Variants in DGKI observed in about 807,000 individuals in gnomAD.
DGKI encodes diacylglycerol kinase iota.
DGKI carries 55 observed loss-of-function variants against 147.5 expected under a neutral mutation model. The ratio of observed to expected loss-of-function variants is 0.37; its 90% CI spans 0.30 to 0.47. The LOEUF is 0.47. Among genes scored for constraint, DGKI ranks in the 20% least tolerant of loss-of-function variants. DGKI has a pLI of 1.00. For missense variants in DGKI, 1,007 were observed against 1,323.8 expected, an observed-to-expected ratio of 0.76 and a Z score of 3.71; for synonymous variants, 469 against 477.1, an observed-to-expected ratio of 0.98 and a Z score of 0.22.
chr7:137,768,995 A>G lies in DGKI; in HGVS notation c.401+77467T>C, dbSNP rs140086788. On this transcript the variant is annotated intron_variant, in intron 1 of 32. Transcript: ENST00000614521. ...CCAGCAGATGAAAATACCAGTCACT[A>G]TAAGAGATTTCTGAAGAAGTCAGAA... is the stretch of plus-strand genomic sequence containing the variant. Among the ~76,000 whole-genome samples, 160 of 152,346 alleles carry G rather than the reference A, an allele frequency of 1.1e-3. 1 individual carries two copies. In the East Asian group the frequency reaches 0.027, roughly 26 times the overall value.
intron 28 of DGKI, among the ~76,000 whole-genome samples, chr7:137,417,001 A>C (rs1200719797): frequency 1.3e-5 from 2 of 152,184 alleles, no homozygotes; most frequent in Non-Finnish European, 2.9e-5. Flanking sequence ...CCCTATGAAC[A>C]CTGTTGTTTA....
At chr7:137,817,346 T>C (rs1244816300) in intron 1 of DGKI, among the ~76,000 whole-genome samples, 1 of 152,228 alleles carries the variant, frequency 6.6e-6, no homozygotes, top group Non-Finnish European at 1.5e-5. Flanking sequence ...TTAATAAATA[T>C]TTATTGAATG....
intron 27 of DGKI, among the ~76,000 whole-genome samples, chr7:137,449,619 G>A (rs1019895079): frequency 2.6e-5 from 4 of 152,190 alleles, no homozygotes; most frequent in East Asian, 1.9e-4. Context: ...CAACAAAAGC[G>A]AAAATAGAGA....
chr7:137,489,393 G>A (rs1470379130), intron 21 of DGKI, among the ~76,000 whole-genome samples: 1 of 152,012 alleles, frequency 6.6e-6, no homozygotes, highest in African/African-American at 2.4e-5. Context: ...ATATCTTTGG[G>A]GGAGTAATAA....
rs79823365 is a variant in DGKI at position 137,407,876 on chromosome 7, G to A, written c.2919C>T (p.His973=). The change falls in exon 30 of 33, where the codon CAC becomes CAT. Residue 973 remains histidine, a splice_region_variant and synonymous_variant. Transcript: ENST00000614521. The part of the protein sequence containing the change: ...NGEIVKYILD[H]GPSELLDMAD... ...GGTAAGTTCACTATGCCTACTTACCGTGGTCAAGGATATATTTCACAATCT... is the reference window on the plus strand; with the variant it reads ...GGTAAGTTCACTATGCCTACTTACCATGGTCAAGGATATATTTCACAATCT... The A allele has an allele frequency of 5.6e-6, 9 of 1,613,936 alleles. No individual in the cohort carries two copies. The highest frequency in any genetic ancestry group is 2.2e-5 in the East Asian group (1 of 44,876).
intron 15 of DGKI, among the ~76,000 whole-genome samples, chr7:137,581,023 A>T (rs763985524): frequency 2.0e-5 from 3 of 152,148 alleles, no homozygotes; most frequent in Non-Finnish European, 4.4e-5. Context: ...TAGCTATATT[A>T]ATAAGAACAG....
Position 137,846,581 on chromosome 7 carries a change from T to C in DGKI, c.282A>G (p.Ser94=). The part of the protein sequence containing the change: ...EGGADPRGAG[S]AAAAGAAALD... Reference sequence around the variant, plus strand: ...GGGCAGCGGCCCCCGCCGCCGCGGCTGACCCTGCGCCCCGCGGGTCCGCGC... The same window carrying C: ...GGGCAGCGGCCCCCGCCGCCGCGGCCGACCCTGCGCCCCGCGGGTCCGCGC... Residue 94 remains serine (S), a synonymous_variant, in exon 1 of 33, where the codon TCA becomes TCG. Coordinates refer to ENST00000614521, the MANE Select transcript of DGKI (RefSeq NM_001321708.2). The surrounding 1 kb of genome is among the most constrained non-coding windows in gnomAD (Gnocchi z 4.0). 2 of 1,307,460 alleles carry C rather than the reference T, an allele frequency of 1.5e-6. No homozygotes were observed. The highest frequency in any genetic ancestry group is 3.5e-5 in the Admixed American group (1 of 28,616). 81.0% of individuals were successfully genotyped at this position (1,307,460 alleles called of 1,614,324 possible).
chr7:137,694,219 G>A (rs950721575), intron 1 of DGKI, among the ~76,000 whole-genome samples: 3 of 151,896 alleles, frequency 2.0e-5, no homozygotes, highest in African/African-American at 7.3e-5. Flanking sequence ...TACTTAGGAG[G>A]CTGAGGAAAG....
Position 137,625,743 on chromosome 7 carries a change from TAAAA to T in DGKI, c.805-2193_805-2190del, listed in dbSNP as rs11302496. Among the ~76,000 whole-genome samples, 328 of 128,918 alleles carry T rather than the reference TAAAA, an allele frequency of 2.5e-3. 1 individual carries two copies. Among genetic ancestry groups the T allele is most frequent in the African/African-American group, 8.6e-3 (317 of 36,888 alleles). 84.6% of individuals were successfully genotyped at this position (128,918 alleles called of 152,430 possible). A position where few individuals can be genotyped will look rare whatever the true frequency, so the allele number is the denominator to read the frequency against. On this transcript the variant is annotated intron_variant, in intron 6 of 32. Coordinates refer to ENST00000614521, the MANE Select transcript of DGKI (RefSeq NM_001321708.2). ...TAAGACCTTATCTCTATATTAAAATTAAAAAAAAAAAAAAAAAGACAGAAAAGAA... is the reference window on the plus strand; with the variant it reads ...TAAGACCTTATCTCTATATTAAAATTAAAAAAAAAAAAAGACAGAAAAGAA...
At chr7:137,571,393 GT>G in intron 18 of DGKI, 107 bp from the exon 19 acceptor site, 2 of 750,380 alleles carry the variant, frequency 2.7e-6, no homozygotes, top group Non-Finnish European at 4.4e-6. Context: ...CATAAAAACA[GT>G]TTTCCATTCT....
intron 1 of DGKI, among the ~76,000 whole-genome samples, chr7:137,786,130 G>C (rs1435537269): frequency 6.6e-6 from 1 of 152,054 alleles, no homozygotes; most frequent in Non-Finnish European, 1.5e-5. Flanking sequence ...AGAGCAATCA[G>C]GCAAGAGAAA....
At chr7:137,491,585 A>C (rs1815764896) in intron 21 of DGKI, among the ~76,000 whole-genome samples, 3 of 152,242 alleles carry the variant, frequency 2.0e-5, no homozygotes, top group African/African-American at 4.8e-5. Context: ...TATCCTGATA[A>C]ATATTCCTTT....
intron 27 of DGKI, among the ~76,000 whole-genome samples, chr7:137,458,300 C>T (rs990462189): frequency 3.9e-5 from 6 of 152,166 alleles, no homozygotes; most frequent in African/African-American, 9.7e-5. Context: ...TGCAGCTGAT[C>T]GGGTACCAGA....
chr7:137,629,371 G>A (rs1821052628), intron 6 of DGKI, among the ~76,000 whole-genome samples: 1 of 152,014 alleles, frequency 6.6e-6, no homozygotes, highest in African/African-American at 2.4e-5. Context: ...GTATTCTATG[G>A]GATAGCAATA....
At chr7:137,411,907 A>C (rs1442050409) in intron 29 of DGKI, among the ~76,000 whole-genome samples, 2 of 152,124 alleles carry the variant, frequency 1.3e-5, no homozygotes, top group Non-Finnish European at 2.9e-5. Flanking sequence ...AAATTCTTCA[A>C]ATGTCAGCTT....
chr7:137,664,377 CAAA>C (rs1190186766), intron 3 of DGKI, among the ~76,000 whole-genome samples: 12 of 56,072 alleles, frequency 2.1e-4, no homozygotes, highest in African/African-American at 3.8e-4. Flanking sequence ...GACTCCATCT[CAAA>C]AAAAAAAAAA....
At chr7:137,740,593 G>A (rs925697740) in intron 1 of DGKI, among the ~76,000 whole-genome samples, 1 of 152,168 alleles carries the variant, frequency 6.6e-6, no homozygotes, top group Admixed American at 6.5e-5. Flanking sequence ...AGCCAGACCA[G>A]CCCAATACTT....
At chr7:137,733,811 C>T (rs551248590) in intron 1 of DGKI, among the ~76,000 whole-genome samples, 2 of 152,112 alleles carry the variant, frequency 1.3e-5, no homozygotes, top group South Asian at 4.2e-4. Context: ...CAGACCTCAT[C>T]GAAAGGGTGG....
chr7:137,549,638 T>A (rs182011994), intron 20 of DGKI, among the ~76,000 whole-genome samples: 84 of 152,342 alleles, frequency 5.5e-4, no homozygotes, highest in African/African-American at 2.0e-3. Flanking sequence ...CTTCATTGTT[T>A]CAAATGGTGC....
Sources: gnomAD v4.1 joint callset for allele counts (sites outside exome capture counted in the v4.1 genomes callset) on GRCh38, gnomAD v4.1.1 for gene constraint, Gnocchi (gnomAD v3.1) non-coding constraint, MANE v1.5 for transcripts, NCBI Gene and HGNC (gene_info 2026-07-23, HGNC 2026-07-21) for gene names.